Variants in TF observed in about 807,000 individuals in gnomAD.
TF encodes the protein transferrin, also known as serotransferrin.
TF carries 55 observed loss-of-function variants against 82.4 expected under a neutral mutation model. That is an observed-to-expected ratio of 0.67 (90% CI 0.54 to 0.84). TF has a LOEUF of 0.84. Ranked by LOEUF, TF falls within the 40% of genes least tolerant of loss-of-function variation. The pLI is 0.00. For synonymous variants in TF, 332 were observed against 332.6 expected, an observed-to-expected ratio of 1.00 and a Z score of 0.02; for missense variants, 737 against 868.4, an observed-to-expected ratio of 0.85 and a Z score of 1.90.
At chr3:133,737,582 G>C in the TF span, among the ~76,000 whole-genome samples, 1 of 151,644 alleles carries the variant, frequency 6.6e-6, no homozygotes, top group African/African-American at 2.4e-5. Flanking sequence ...AGACTAATAA[G>C]AAAAGAGAGA....
the TF span, among the ~76,000 whole-genome samples, chr3:133,677,104 A>G: frequency 6.6e-6 from 1 of 152,248 alleles, no homozygotes; most frequent in South Asian, 2.1e-4. Context: ...GGGCTCAGAC[A>G]GCCTGTACCT....
At chr3:133,705,130 C>T in the TF span, among the ~76,000 whole-genome samples, 1 of 152,074 alleles carries the variant, frequency 6.6e-6, no homozygotes, top group South Asian at 2.1e-4. Flanking sequence ...CAAAAATTAG[C>T]AGGGCATGGC....
In TF at chr3:133,784,508, A is replaced by AATG. The variant is rs1559882894; in HGVS notation, c.*5888_*5889insATG. 6.6e-6 allele frequency: 1 copy of AATG among 151,056 alleles called. No individual in the cohort carries two copies. Among genetic ancestry groups the AATG allele is most frequent in the Non-Finnish European group, 1.5e-5 (1 of 67,828 alleles). 9.4% of individuals were successfully genotyped at this position (151,056 alleles called of 1,614,324 possible). A position where few individuals can be genotyped will look rare whatever the true frequency, so the allele number is the denominator to read the frequency against. On this transcript the variant is annotated 3_prime_UTR_variant, in exon 17 of 17. Transcript: ENST00000402696. ...TAATAATAATAATAATAATAATAAT[A>AATG]GGACATAAATGGCTTCTGGAGATGA...
At chr3:133,763,116 C>G (rs1348673632) in intron 9 of TF, among the ~76,000 whole-genome samples, 2 of 152,144 alleles carry the variant, frequency 1.3e-5, no homozygotes, top group East Asian at 1.9e-4. Context: ...AGTGAGGAAG[C>G]AGATTTCTAA....
At chr3:133,723,933 A>C in the TF span, among the ~76,000 whole-genome samples, 8 of 151,656 alleles carry the variant, frequency 5.3e-5, no homozygotes, top group African/African-American at 1.9e-4. Context: ...GCGATAGTTT[A>C]CTGAGAATGA....
the TF span, among the ~76,000 whole-genome samples, chr3:133,739,378 G>A: frequency 6.7e-3 from 1,012 of 152,162 alleles, 12 homozygotes; most frequent in African/African-American, 0.023. Flanking sequence ...GAAAACCTAG[G>A]CAATACCATT....
the TF span, among the ~76,000 whole-genome samples, chr3:133,740,927 T>TTTTTC: frequency 1.8e-5 from 2 of 110,132 alleles, no homozygotes; most frequent in Admixed American, 1.1e-4. Flanking sequence ...TTTTTTTTTT[T>TTTTTC]AATTTGAGTA....
chr3:133,707,110 TGGTTTA>T, the TF span, among the ~76,000 whole-genome samples: 1 of 151,906 alleles, frequency 6.6e-6, no homozygotes, highest in Non-Finnish European at 1.5e-5. Context: ...ACTTAGAGGA[TGGTTTA>T]GTCACCAGCA....
At chr3:133,678,076 G>T in the TF span, among the ~76,000 whole-genome samples, 1 of 151,984 alleles carries the variant, frequency 6.6e-6, no homozygotes, top group Non-Finnish European at 1.5e-5. Context: ...CATTCTCATT[G>T]TTCAACTCCC....
At chr3:133,669,397 A>G in the TF span, among the ~76,000 whole-genome samples, 1 of 152,162 alleles carries the variant, frequency 6.6e-6, no homozygotes, top group Non-Finnish European at 1.5e-5. Context: ...GCTCAAACTA[A>G]GACAAAAGAC....
intron 2 of TF, chr3:133,748,809 C>G (rs750102457): frequency 1.8e-6 from 1 of 570,770 alleles, no homozygotes; most frequent in Non-Finnish European, 3.1e-6. Context: ...ACACAGTAGA[C>G]GCAAGGGTGA....
At chr3:133,762,473 AC>A (rs1336308920) in intron 9 of TF, 2 of 152,144 alleles carry the variant, frequency 1.3e-5, no homozygotes, top group African/African-American at 4.8e-5. Flanking sequence ...CATTAACATA[AC>A]TTTTATTATA....
the TF span, among the ~76,000 whole-genome samples, chr3:133,717,479 T>G: frequency 6.6e-6 from 1 of 152,202 alleles, no homozygotes; most frequent in East Asian, 1.9e-4. Flanking sequence ...CAGGGTGGGT[T>G]TTGGTTTCTC....
Position 133,793,524 on chromosome 3 carries a change from T to C in TF, c.*14904T>C, listed in dbSNP as rs1370153641. ...GAAAAAAATTTAATCTTCTTCAGGT[T>C]ATATTTTAGTGAATAATATTAATAT... On this transcript the variant is annotated 3_prime_UTR_variant, in exon 17 of 17. Transcript: ENST00000402696. The C allele has an allele frequency of 1.3e-5, 2 of 152,192 alleles. No individual in the cohort carries two copies. The highest frequency in any genetic ancestry group is 2.9e-5 in the Non-Finnish European group (2 of 68,014). 9.4% of individuals were successfully genotyped at this position (152,192 alleles called of 1,614,324 possible).
At chr3:133,717,412 G>T in the TF span, among the ~76,000 whole-genome samples, 2 of 152,204 alleles carry the variant, frequency 1.3e-5, no homozygotes, top group East Asian at 1.9e-4. Flanking sequence ...GATACACTCT[G>T]CTTCTCCCGT....
the TF span, among the ~76,000 whole-genome samples, chr3:133,713,798 T>C: frequency 6.6e-6 from 1 of 152,082 alleles, no homozygotes; most frequent in Non-Finnish European, 1.5e-5. Flanking sequence ...CTGCCACCCA[T>C]GGGGCCTCCC....
At chr3:133,664,048 C>CCAG in the TF span, among the ~76,000 whole-genome samples, 13 of 152,230 alleles carry the variant, frequency 8.5e-5, no homozygotes, top group African/African-American at 2.9e-4. Context: ...AGTGTCTGGA[C>CCAG]CAGCAGCATC....
chr3:133,778,439 G>C, intron 16 of TF, 147 bp from the exon 17 acceptor site: 1 of 763,234 alleles, frequency 1.3e-6, no homozygotes, highest in Non-Finnish European at 2.2e-6. Flanking sequence ...AAGTAGAAAA[G>C]AGCACTGGGA....
the TF span, among the ~76,000 whole-genome samples, chr3:133,720,614 T>C: frequency 1.3e-5 from 2 of 152,188 alleles, no homozygotes; most frequent in Non-Finnish European, 2.9e-5. Flanking sequence ...CCATATAAAA[T>C]GAGTTTTAAA....
Sources: allele counts gnomAD v4.1 joint callset (sites outside exome capture counted in the v4.1 genomes callset), GRCh38; gene constraint gnomAD v4.1.1; transcripts MANE v1.5; gene names NCBI Gene and HGNC (gene_info 2026-07-23, HGNC 2026-07-21).